CACHD1: variants seen among roughly 807,000 people sequenced by gnomAD.
The protein encoded by CACHD1 is VWFA and cache domain-containing protein 1.
CACHD1 carries 71 observed loss-of-function variants against 138.7 expected under a neutral mutation model. The ratio of observed to expected loss-of-function variants is 0.51; its 90% confidence interval spans 0.42 to 0.62. The LOEUF is 0.62. Ranked by LOEUF, CACHD1 falls within the 20% of genes least tolerant of loss-of-function variation. The pLI is 0.00. For synonymous variants in CACHD1, 578 were observed against 591.5 expected, an observed-to-expected ratio of 0.98 and a Z score of 0.33; for missense variants, 1,389 against 1,625.3, an observed-to-expected ratio of 0.85 and a Z score of 2.50.
At chr1:64,547,067 C>G (rs1646723656) in intron 1 of CACHD1, among the ~76,000 whole-genome samples, 1 of 152,110 alleles carries the variant, frequency 6.6e-6, no homozygotes, top group East Asian at 1.9e-4. Context: ...ATTTAGGCCT[C>G]AATGCTTTAA....
chr1:64,508,260 C>G (rs1247630512), intron 1 of CACHD1, among the ~76,000 whole-genome samples: 1 of 152,224 alleles, frequency 6.6e-6, no homozygotes, highest in Non-Finnish European at 1.5e-5. Context: ...GTTTACAGTT[C>G]TGCATGAGAT....
At chr1:64,665,081 CT>C (rs986712599) in intron 15 of CACHD1, among the ~76,000 whole-genome samples, 2 of 151,084 alleles carry the variant, frequency 1.3e-5, no homozygotes, top group Non-Finnish European at 1.5e-5. Flanking sequence ...TACTTCTAGG[CT>C]TTTTTTTTAC....
intron 1 of CACHD1, among the ~76,000 whole-genome samples, chr1:64,529,643 A>C (rs1238857031): frequency 1.3e-5 from 2 of 152,218 alleles, no homozygotes; most frequent in African/African-American, 4.8e-5. Flanking sequence ...AGTCCTATGA[A>C]GTGGAAGGGA....
At chr1:64,550,248 C>T (rs139206942) in intron 1 of CACHD1, among the ~76,000 whole-genome samples, 38 of 152,248 alleles carry the variant, frequency 2.5e-4, no homozygotes, top group Non-Finnish European at 4.7e-4. Flanking sequence ...TAAACAATTA[C>T]AGCATTCAGG....
intron 1 of CACHD1, among the ~76,000 whole-genome samples, chr1:64,489,365 C>A (rs951195339): frequency 6.6e-6 from 1 of 151,990 alleles, no homozygotes; most frequent in Non-Finnish European, 1.5e-5. Context: ...AAACTAAAAG[C>A]CATTTTTAAG....
intron 17 of CACHD1, among the ~76,000 whole-genome samples, chr1:64,672,757 G>A (rs1010447485): frequency 6.6e-6 from 1 of 152,096 alleles, no homozygotes; most frequent in African/African-American, 2.4e-5. Context: ...GAAATTATAT[G>A]CTTTACTTCA....
rs950994709 is a variant in CACHD1 at position 64,585,446 on chromosome 1, C to T, written c.410+3142C>T. 4.6e-5 allele frequency among the ~76,000 whole-genome samples: 7 copies of T among 152,176 alleles called. No individual in the cohort carries two copies. The South Asian group carries it at 1.5e-3, about 32-fold the overall frequency. On this transcript the variant is annotated intron_variant, in intron 3 of 26. Transcript: ENST00000651257. ...TTTAGTTAGTTGAACATCCATGAGACCTTAACTGTACCCCTAGAAAAATAC... is the reference window on the plus strand; with the variant it reads ...TTTAGTTAGTTGAACATCCATGAGATCTTAACTGTACCCCTAGAAAAATAC...
At position 64,589,423 on chromosome 1, in the gene CACHD1, C is replaced by T. The variant is rs191978949; in HGVS notation, c.410+7119C>T. Among the ~76,000 whole-genome samples, 309 of 151,934 alleles carry T rather than the reference C, an allele frequency of 2.0e-3. 2 individuals are homozygous for T. The highest frequency in any genetic ancestry group is 6.9e-3 in the African/African-American group (286 of 41,418). ...TTATAATAATTCTCATGAATAGCAC[C>T]GTTATAACCTTGTGTTAGATAGGGT... On this transcript the variant is annotated intron_variant, in intron 3 of 26. Transcript: ENST00000651257.
rs1648731048 is a variant in CACHD1, at chr1:64,641,941, A to G, written c.1128A>G (p.Val376=). Reference sequence around the variant, plus strand: ...AAAATAGCTTTCTAAACAACTCTGTAATGATTCTCACCTATGCCCTCATGA... The same window carrying G: ...AAAATAGCTTTCTAAACAACTCTGTGATGATTCTCACCTATGCCCTCATGA... ...NEENSFLNNS[V]MILTYALMND... The change falls in exon 8 of 27, where the codon GTA becomes GTG. Residue 376 remains valine (V), a synonymous_variant. Transcript: ENST00000651257. 1.3e-6 allele frequency: 2 copies of G among 1,598,480 alleles called. No homozygotes were observed. The highest frequency in any genetic ancestry group is 1.8e-5 in the Admixed American group (1 of 56,154).
At chr1:64,576,842 A>G (rs948065570) in intron 2 of CACHD1, among the ~76,000 whole-genome samples, 2 of 152,102 alleles carry the variant, frequency 1.3e-5, no homozygotes, top group African/African-American at 4.8e-5. Flanking sequence ...ACAATTTAAA[A>G]TAGTTTAATG....
intron 4 of CACHD1, among the ~76,000 whole-genome samples, chr1:64,616,013 C>A (rs1314361519): frequency 1.3e-5 from 2 of 152,144 alleles, no homozygotes; most frequent in African/African-American, 4.8e-5. Flanking sequence ...ATTGACGTGG[C>A]TTAACATTAT....
chr1:64,497,407 T>G (rs977638903), intron 1 of CACHD1, among the ~76,000 whole-genome samples: 5 of 152,128 alleles, frequency 3.3e-5, no homozygotes, highest in Non-Finnish European at 5.9e-5. Context: ...AGTTTTGAAA[T>G]TTCACTTTCA....
At chr1:64,560,526 T>A (rs1007411729) in intron 2 of CACHD1, among the ~76,000 whole-genome samples, 10 of 152,132 alleles carry the variant, frequency 6.6e-5, no homozygotes, top group Non-Finnish European at 1.3e-4. Context: ...CTTATTGTTA[T>A]TGATTTCTAA....
intron 13 of CACHD1, 115 bp from the exon 14 acceptor site, chr1:64,663,580 A>T: frequency 1.5e-6 from 2 of 1,325,836 alleles, no homozygotes; most frequent in South Asian, 2.9e-5. Context: ...AAAAGGAAAA[A>T]AAAAGACATT....
chr1:64,482,127 A>G (rs1238910178), intron 1 of CACHD1, among the ~76,000 whole-genome samples: 15 of 152,164 alleles, frequency 9.9e-5, no homozygotes, highest in African/African-American at 3.6e-4. Context: ...GTGTATTTAA[A>G]TATTTTAAGA....
At chr1:64,684,362 T>TC (rs1650289659) in intron 26 of CACHD1, among the ~76,000 whole-genome samples, 1 of 133,398 alleles carries the variant, frequency 7.5e-6, no homozygotes, top group Non-Finnish European at 1.5e-5. Flanking sequence ...TTCTTCTTCT[T>TC]CTTTTTTTTT....
At chr1:64,635,944 C>T (rs1570438543) in intron 7 of CACHD1, among the ~76,000 whole-genome samples, 1 of 151,604 alleles carries the variant, frequency 6.6e-6, no homozygotes, top group Middle Eastern at 3.4e-3. Context: ...ACCTCATCTC[C>T]ACTAAAAATA....
chr1:64,547,599 T>C (rs1646727432), intron 1 of CACHD1, among the ~76,000 whole-genome samples: 1 of 152,186 alleles, frequency 6.6e-6, no homozygotes. Flanking sequence ...ACTCCTGACC[T>C]CAGGTGATCT....
intron 1 of CACHD1, among the ~76,000 whole-genome samples, chr1:64,519,774 G>A (rs1646485048): frequency 1.1e-5 from 1 of 95,232 alleles, no homozygotes; most frequent in African/African-American, 2.9e-5. Context: ...ACAGCTCTCG[G>A]TCATTACCAC....
Sources: allele counts gnomAD v4.1 joint callset (sites outside exome capture counted in the v4.1 genomes callset), GRCh38; gene constraint gnomAD v4.1.1; transcripts MANE v1.5; gene names NCBI Gene and HGNC (gene_info 2026-07-23, HGNC 2026-07-21).